Variants in REEP3 observed in about 807,000 individuals in gnomAD.
The protein encoded by REEP3 is receptor expression-enhancing protein 3.
In REEP3, 20 loss-of-function variants were observed where a neutral mutation model predicts 41.3. The observed-to-expected ratio is 0.48, with a 90% CI of 0.34 to 0.70. REEP3 has a LOEUF of 0.70. Among genes scored for constraint, REEP3 ranks in the 30% least tolerant of loss-of-function variants. The pLI is 0.01. For missense variants in REEP3, 271 were observed against 308.8 expected (o/e 0.88, Z 0.92); for synonymous variants, 104 against 101.8 (o/e 1.02, Z -0.13).
chr10:63,562,806 T>TA (rs1319872127), intron 1 of REEP3, among the ~76,000 whole-genome samples: 1 of 152,222 alleles, frequency 6.6e-6, no homozygotes, highest in African/African-American at 2.4e-5. Context: ...TGCAAACACT[T>TA]ATTTACTCTA....
At chr10:63,619,985 T>C (rs772830303) in intron 7 of REEP3, among the ~76,000 whole-genome samples, 185 bp downstream of exon 7, 42 of 150,346 alleles carry the variant, frequency 2.8e-4, no homozygotes, top group Admixed American at 8.6e-4. Flanking sequence ...TCAACCAAAT[T>C]GGAGTGCAGT....
intron 5 of REEP3, chr10:63,599,834 AAT>A (rs1956156774): frequency 4.4e-6 from 1 of 225,996 alleles, no homozygotes; most frequent in African/African-American, 2.3e-5. Flanking sequence ...GTTCTGTAAA[AAT>A]TTGCATTATG....
chr10:63,526,390 A>G (rs1166206491), intron 1 of REEP3, among the ~76,000 whole-genome samples: 1 of 152,144 alleles, frequency 6.6e-6, no homozygotes, highest in Admixed American at 6.5e-5. Context: ...GACATTATAT[A>G]TACTTCTTTT....
In REEP3 at chr10:63,556,629, GT is replaced by G. The variant is rs1564477633; in HGVS notation, c.33-9705del. On this transcript the variant is annotated intron_variant, in intron 1 of 7. Transcript: ENST00000373758. ...CTGTTTGCTTGTTTTTTTTTTTGTT[GT>G]TTTGTTTTTTTTTTTTTTTTTTTGA... Among the ~76,000 whole-genome samples, 29 of 13,378 alleles carry G rather than the reference GT, an allele frequency of 2.2e-3. 3 individuals are homozygous for G. Among genetic ancestry groups the G allele is most frequent in the South Asian group, 8.2e-3 (3 of 368 alleles). 8.8% of individuals were successfully genotyped at this position (13,378 alleles called of 152,430 possible).
chr10:63,550,455 A>G (rs1955617978), intron 1 of REEP3, among the ~76,000 whole-genome samples: 1 of 152,236 alleles, frequency 6.6e-6, no homozygotes. Flanking sequence ...GGATGAACAC[A>G]CAGCAGACCT....
chr10:63,603,733 T>C (rs557154545), intron 5 of REEP3, among the ~76,000 whole-genome samples: 15 of 152,294 alleles, frequency 9.8e-5, no homozygotes, highest in African/African-American at 3.6e-4. Flanking sequence ...ACCGGAATGT[T>C]GGAGACCCCA....
At chr10:63,563,148 G>A (rs1168074312) in intron 1 of REEP3, among the ~76,000 whole-genome samples, 1 of 152,226 alleles carries the variant, frequency 6.6e-6, no homozygotes, top group East Asian at 1.9e-4. Flanking sequence ...CTGTGAGAAA[G>A]CAAATTTCTG....
intron 1 of REEP3, among the ~76,000 whole-genome samples, chr10:63,541,108 C>T (rs981455621): frequency 6.6e-6 from 1 of 152,008 alleles, no homozygotes; most frequent in Non-Finnish European, 1.5e-5. Flanking sequence ...TATTTTAAGC[C>T]ATAAAACATG....
At chr10:63,579,189 G>A (rs529883236) in intron 2 of REEP3, among the ~76,000 whole-genome samples, 26 of 151,810 alleles carry the variant, frequency 1.7e-4, no homozygotes, top group Non-Finnish European at 2.8e-4. Flanking sequence ...CCACCACCAC[G>A]CCCAGATAAT....
intron 1 of REEP3, among the ~76,000 whole-genome samples, chr10:63,525,369 C>G (rs1034404958): frequency 6.6e-6 from 1 of 151,994 alleles, no homozygotes; most frequent in African/African-American, 2.4e-5. Context: ...TACTTACAGT[C>G]TGTTCAATCT....
chr10:63,560,475 C>A (rs549197565), intron 1 of REEP3, among the ~76,000 whole-genome samples: 2 of 152,224 alleles, frequency 1.3e-5, no homozygotes, highest in East Asian at 3.9e-4. Context: ...ATATGAGGAC[C>A]ATCTCCCACT....
intron 2 of REEP3, among the ~76,000 whole-genome samples, chr10:63,570,747 C>G (rs1248292996): frequency 6.6e-6 from 1 of 152,186 alleles, no homozygotes; most frequent in Non-Finnish European, 1.5e-5. Context: ...GAAATAAGGA[C>G]AAGGCATCTG....
chr10:63,571,713 A>G (rs1955854024), intron 2 of REEP3, among the ~76,000 whole-genome samples: 1 of 152,200 alleles, frequency 6.6e-6, no homozygotes, highest in African/African-American at 2.4e-5. Context: ...TCTTTAGGGG[A>G]GAGAGGGCAT....
intron 1 of REEP3, among the ~76,000 whole-genome samples, chr10:63,545,051 G>C (rs1955564366): frequency 6.6e-6 from 1 of 152,256 alleles, no homozygotes; most frequent in East Asian, 1.9e-4. Flanking sequence ...ATTAATTTCT[G>C]TGGCTATCTT....
At chr10:63,603,024 C>G (rs541783871) in intron 5 of REEP3, among the ~76,000 whole-genome samples, 7 of 152,026 alleles carry the variant, frequency 4.6e-5, no homozygotes, top group Non-Finnish European at 1.0e-4. Flanking sequence ...TGATAAGACC[C>G]CACCCATGGC....
intron 1 of REEP3, among the ~76,000 whole-genome samples, chr10:63,553,856 A>G (rs1955651867): frequency 6.6e-6 from 1 of 152,100 alleles, no homozygotes; most frequent in Non-Finnish European, 1.5e-5. Context: ...TAATCCCAGC[A>G]CTTTGGGAGG....
At chr10:63,529,843 A>G (rs997017726) in intron 1 of REEP3, among the ~76,000 whole-genome samples, 2 of 151,296 alleles carry the variant, frequency 1.3e-5, no homozygotes, top group Admixed American at 6.6e-5. Flanking sequence ...CAATGGCGCA[A>G]TCTCGGCTCA....
chr10:63,565,989 A>G (rs1454334252), intron 1 of REEP3, among the ~76,000 whole-genome samples: 1 of 148,328 alleles, frequency 6.7e-6, no homozygotes, highest in Non-Finnish European at 1.5e-5. Flanking sequence ...GGTTCACGCC[A>G]TTCTCCTGCC....
Position 63,623,460 on chromosome 10 carries a change from A to G in REEP3, c.*2591A>G, listed in dbSNP as rs1176268170. ...GCCTTGCTTTTTCCTCTGCCAGCAC[A>G]TGGAGCACGGGATTAGATGCACAAA... On this transcript the variant is annotated 3_prime_UTR_variant, in exon 8 of 8. Coordinates refer to ENST00000373758, the MANE Select transcript of REEP3 (RefSeq NM_001001330.3). 1 of 152,210 alleles carries G rather than the reference A, an allele frequency of 6.6e-6. No homozygotes were observed. Among genetic ancestry groups the G allele is most frequent in the Non-Finnish European group, 1.5e-5 (1 of 68,054 alleles). 9.4% of individuals were successfully genotyped at this position (152,210 alleles called of 1,614,324 possible).
Sources: allele counts gnomAD v4.1 joint callset (sites outside exome capture counted in the v4.1 genomes callset), GRCh38; gene constraint gnomAD v4.1.1; transcripts MANE v1.5; gene names NCBI Gene and HGNC (gene_info 2026-07-23, HGNC 2026-07-21).